FGF12: variants seen among roughly 807,000 people sequenced by gnomAD.
The protein encoded by FGF12 is fibroblast growth factor 12B.
In FGF12, 14 loss-of-function variants were observed where a neutral mutation model predicts 23.6. The ratio of observed to expected loss-of-function variants is 0.59; its 90% CI spans 0.39 to 0.93. The LOEUF (loss-of-function observed/expected upper bound fraction) is 0.93. Among genes scored for constraint, FGF12 ranks in the 40% least tolerant of loss-of-function variants. The pLI is 0.00. For missense variants in FGF12, 175 were observed against 217.8 expected (o/e 0.80, Z 1.24); for synonymous variants, 62 against 77.3 (o/e 0.80, Z 1.04).
intron 2 of FGF12, among the ~76,000 whole-genome samples, chr3:192,656,599 C>T (rs1020698199): frequency 1.3e-5 from 2 of 152,160 alleles, no homozygotes; most frequent in African/African-American, 4.8e-5. Flanking sequence ...TGTTAACCAA[C>T]CATCCTGCAA....
At chr3:192,592,093 A>G (rs1713650722) in intron 2 of FGF12, among the ~76,000 whole-genome samples, 1 of 151,884 alleles carries the variant, frequency 6.6e-6, no homozygotes, top group Admixed American at 6.6e-5. Flanking sequence ...AGCCCTGTAT[A>G]CCTGGATACT....
intron 3 of FGF12, among the ~76,000 whole-genome samples, chr3:192,338,106 A>G (rs1300325066): frequency 6.6e-6 from 1 of 152,124 alleles, no homozygotes; most frequent in African/African-American, 2.4e-5. Flanking sequence ...TTACCTGTTC[A>G]AAACATCATA....
In FGF12 at chr3:192,165,224, G is replaced by A. The variant is rs115291875; in HGVS notation, c.427+5234C>T. On this transcript the variant is annotated intron_variant, in intron 5 of 5. Transcript: ENST00000445105. ...CCTGCCTCGACTTCCCAAATTGCTGGGAATACAGGTATGAGCCACTGCGTC... is the reference window on the plus strand; with the variant it reads ...CCTGCCTCGACTTCCCAAATTGCTGAGAATACAGGTATGAGCCACTGCGTC... 5.5e-3 allele frequency among the ~76,000 whole-genome samples: 843 copies of A among 151,914 alleles called. 5 individuals carry two copies. Among genetic ancestry groups the A allele is most frequent in the African/African-American group, 0.019 (801 of 41,400 alleles).
At chr3:192,648,883 C>G (rs1577098347) in intron 2 of FGF12, among the ~76,000 whole-genome samples, 1 of 152,132 alleles carries the variant, frequency 6.6e-6, no homozygotes, top group South Asian at 2.1e-4. Context: ...AGGGAGTTCA[C>G]CAAACTTGGA....
At chr3:192,334,239 T>G (rs1336867884) in intron 4 of FGF12, among the ~76,000 whole-genome samples, 1 of 152,080 alleles carries the variant, frequency 6.6e-6, no homozygotes, top group Non-Finnish European at 1.5e-5. Flanking sequence ...AGAGGAGACT[T>G]GAGGCTGCTT....
intron 4 of FGF12, among the ~76,000 whole-genome samples, chr3:192,317,794 C>T (rs1481968975): frequency 2.0e-5 from 3 of 152,160 alleles, no homozygotes; most frequent in African/African-American, 7.2e-5. Flanking sequence ...GCTGTGCTGG[C>T]TTTAGGTATG....
rs1020717895 is a variant in FGF12, at chr3:192,711,494, G to A, written c.13+15687C>T. On this transcript the variant is annotated intron_variant, in intron 2 of 5. Coordinates refer to ENST00000445105, the MANE Select transcript of FGF12 (RefSeq NM_004113.6). Reference sequence around the variant, plus strand: ...GGGCCATGATGAAGATGGCGGTTTTGTCGAATAGAAAAGGGGGAAATGTGG... The same window carrying A: ...GGGCCATGATGAAGATGGCGGTTTTATCGAATAGAAAAGGGGGAAATGTGG... Among the ~76,000 whole-genome samples the A allele has an allele frequency of 3.9e-5, 6 of 152,326 alleles. No individual in the cohort carries two copies. The East Asian group carries it at 1.2e-3, about 29-fold the overall frequency.
chr3:192,301,875 C>G (rs1214222077), intron 4 of FGF12, among the ~76,000 whole-genome samples: 3 of 152,114 alleles, frequency 2.0e-5, no homozygotes, highest in African/African-American at 7.2e-5. Flanking sequence ...AGGAGGCAAA[C>G]TTTCGCCATC....
chr3:192,475,225 A>G (rs996018224), intron 2 of FGF12, among the ~76,000 whole-genome samples: 3 of 152,358 alleles, frequency 2.0e-5, no homozygotes, highest in Non-Finnish European at 4.4e-5. Context: ...AAGAATGATG[A>G]TGCTCTTGAA....
intron 4 of FGF12, chr3:192,237,952 T>TGATG (rs920647048): frequency 3.3e-5 from 5 of 152,444 alleles, no homozygotes; most frequent in Admixed American, 2.6e-4. Context: ...CTGTGTGGAC[T>TGATG]GATGCTCCTT....
At chr3:192,318,878 C>A (rs142806700) in intron 4 of FGF12, among the ~76,000 whole-genome samples, 66 of 152,062 alleles carry the variant, frequency 4.3e-4, no homozygotes, top group African/African-American at 1.6e-3. Context: ...AATGGAGCTC[C>A]CACACATCTG....
At chr3:192,221,605 A>G (rs1231099108) in intron 4 of FGF12, among the ~76,000 whole-genome samples, 1 of 152,152 alleles carries the variant, frequency 6.6e-6, no homozygotes, top group African/African-American at 2.4e-5. Context: ...TTAAATATCT[A>G]CATTTTGGAC....
intron 2 of FGF12, among the ~76,000 whole-genome samples, chr3:192,641,779 C>T (rs953803896): frequency 1.3e-5 from 2 of 152,114 alleles, no homozygotes; most frequent in Non-Finnish European, 2.9e-5. Context: ...TTCAAATTTC[C>T]ATGCTCCTAA....
At chr3:192,296,210 A>G (rs934023972) in intron 4 of FGF12, among the ~76,000 whole-genome samples, 1 of 149,202 alleles carries the variant, frequency 6.7e-6, no homozygotes, top group Non-Finnish European at 1.5e-5. Flanking sequence ...CTGGCCTACA[A>G]TGTTTTCATT....
At chr3:192,301,715 A>G (rs1715358300) in intron 4 of FGF12, among the ~76,000 whole-genome samples, 1 of 152,156 alleles carries the variant, frequency 6.6e-6, no homozygotes, top group South Asian at 2.1e-4. Flanking sequence ...GAGCATGTAG[A>G]AAAAGAGGGT....
Position 192,408,752 on chromosome 3 carries a change from T to C in FGF12, c.14-48214A>G. On this transcript the variant is annotated intron_variant, in intron 2 of 5. Transcript: ENST00000445105. This position sits in a 1 kb window ranked among gnomAD's most constrained non-coding sequence, Gnocchi z 7.3. ...GTAGCGCGCCCCCGGTAGAAAATAC[T>C]AAAAAGTGAATAAAACGTTCCTTTA... is the stretch of plus-strand genomic sequence containing the variant. 7.1e-6 allele frequency: 7 copies of C among 986,488 alleles called. No individual in the cohort carries two copies. Among genetic ancestry groups the C allele is most frequent in the Non-Finnish European group, 8.4e-6 (7 of 830,808 alleles). The allele number at this position is 986,488 out of a possible 1,614,324, so 61.1% of individuals were successfully genotyped here. A position where few individuals can be genotyped will look rare whatever the true frequency, so the allele number is the denominator to read the frequency against.
intron 5 of FGF12, among the ~76,000 whole-genome samples, chr3:192,160,107 C>T (rs1466660591): frequency 6.6e-6 from 1 of 152,052 alleles, no homozygotes; most frequent in Non-Finnish European, 1.5e-5. Context: ...TCAGGTCTAC[C>T]TTCAAAATAA....
rs2108707985 is a variant in FGF12 at position 192,681,724 on chromosome 3, C to A, written c.13+45457G>T. On this transcript the variant is annotated intron_variant, in intron 2 of 5. Coordinates refer to ENST00000445105, the MANE Select transcript of FGF12 (RefSeq NM_004113.6). ...CTTTTTTCAAGGAAATATCTTTATT[C>A]TTGCTTTACAGATGGGCATACAGGG... Among the ~76,000 whole-genome samples, 4 of 150,794 alleles carry A rather than the reference C, an allele frequency of 2.7e-5. 1 individual carries two copies. The Middle Eastern group carries it at 0.014, about 516-fold the overall frequency.
chr3:192,187,319 A>T (rs1339037195), intron 4 of FGF12, among the ~76,000 whole-genome samples: 1 of 152,168 alleles, frequency 6.6e-6, no homozygotes, highest in Admixed American at 6.5e-5. Context: ...ATATCTTATA[A>T]TTTATCATAA....
Sources: allele counts gnomAD v4.1 joint callset (sites outside exome capture counted in the v4.1 genomes callset), GRCh38; gene constraint gnomAD v4.1.1; non-coding constraint Gnocchi (gnomAD v3.1); transcripts MANE v1.5; gene names NCBI Gene and HGNC (gene_info 2026-07-23, HGNC 2026-07-21).